Variants in PRSS58 observed in about 807,000 individuals in gnomAD.
PRSS58 encodes protease, serine 58.
PRSS58 carries 31 observed loss-of-function variants against 25.0 expected under a neutral mutation model. The observed-to-expected ratio is 1.24, with a 90% CI of 0.93 to 1.67. The LOEUF (loss-of-function observed/expected upper bound fraction) is 1.67, where lower values mean the gene tolerates loss of function less well. PRSS58 is among the 40% of genes most tolerant of loss of function. The pLI is 0.00. For missense variants in PRSS58, 324 were observed against 287.9 expected, an observed-to-expected ratio of 1.13 and a Z score of -0.91; for synonymous variants, 119 against 106.1, an observed-to-expected ratio of 1.12 and a Z score of -0.75.
At chr7:142,256,938 A>T (rs1798565944) in intron 2 of PRSS58, among the ~76,000 whole-genome samples, 2 of 152,146 alleles carry the variant, frequency 1.3e-5, no homozygotes, top group Admixed American at 1.3e-4. Context: ...ATGGCTGCTG[A>T]CCCAGAGTGA....
In PRSS58 at chr7:142,256,458, G is replaced by C. The variant is rs149422922; in HGVS notation, c.41-785C>G. ...GTTGGGGGAGAAGGAGGGGTTTCAG[G>C]CAGTATTTGTTTGTTGTTTGTTTGA... On this transcript the variant is annotated intron_variant, in intron 2 of 5. Transcript: ENST00000547058. Among the ~76,000 whole-genome samples the C allele has an allele frequency of 3.9e-5, 6 of 151,940 alleles. 1 individual carries two copies. The highest frequency in any genetic ancestry group is 3.3e-4 in the Admixed American group (5 of 15,232).
In PRSS58 at chr7:142,255,686, G is replaced by A. The variant is rs1239425287; in HGVS notation, c.41-13C>T. On this transcript the variant is annotated splice_polypyrimidine_tract_variant and intron_variant, in intron 2 of 5. Coordinates refer to ENST00000547058, the MANE Select transcript of PRSS58 (RefSeq NM_001001317.5). ...AAGGCCAAAGCAACTGGAAAGAGAA[G>A]CATAGACAAGAAATTCCAAGATTTC... is the stretch of plus-strand genomic sequence containing the variant. 4 of 1,577,300 alleles carry A rather than the reference G, an allele frequency of 2.5e-6. No individual in the cohort carries two copies. Among genetic ancestry groups the A allele is most frequent in the Non-Finnish European group, 3.4e-6 (4 of 1,160,712 alleles).
Position 142,252,380 on chromosome 7 carries a change from A to C in PRSS58, c.577-10T>G. On this transcript the variant is annotated splice_polypyrimidine_tract_variant and intron_variant, in intron 5 of 5. Coordinates refer to ENST00000547058, the MANE Select transcript of PRSS58 (RefSeq NM_001001317.5). ...GGGCAGCAGAAACTTCCTGCCAGGA[A>C]AACAATAATAACAACAACAAAAAAG... The C allele has an allele frequency of 6.2e-7, 1 of 1,611,924 alleles. No individual in the cohort carries two copies. Among genetic ancestry groups the C allele is most frequent in the Non-Finnish European group, 8.5e-7 (1 of 1,179,380 alleles).
At position 142,255,656 on chromosome 7, in the gene PRSS58, G is replaced by A; in HGVS notation, c.58C>T (p.Pro20Ser). The change falls in exon 3 of 6, where the codon CCA becomes TCA. Residue 20 changes from proline (P) to serine (S), a missense_variant. Pro to Ser is a moderately conservative substitution (Grantham distance 74). Coordinates refer to ENST00000547058, the MANE Select transcript of PRSS58 (RefSeq NM_001001317.5). Reference sequence around the variant, plus strand: ...GGAGTGGAGCTGACTGTGTAATCTGGATTAAAGGCCAAAGCAACTGGAAAG... The same window carrying A: ...GGAGTGGAGCTGACTGTGTAATCTGAATTAAAGGCCAAAGCAACTGGAAAG... ...LNLTVALAFN[P>S]DYTVSSTPPY... The A allele has an allele frequency of 1.2e-6, 2 of 1,610,398 alleles. No individual in the cohort carries two copies. Among genetic ancestry groups the A allele is most frequent in the Non-Finnish European group, 1.7e-6 (2 of 1,178,042 alleles).
chr7:142,253,499 T>C lies in PRSS58; in HGVS notation c.437-888A>G, dbSNP rs181314967. Among the ~76,000 whole-genome samples, 365 of 152,300 alleles carry C rather than the reference T, an allele frequency of 2.4e-3. 2 individuals are homozygous for C. Among genetic ancestry groups the C allele is most frequent in the African/African-American group, 8.4e-3 (350 of 41,578 alleles). On this transcript the variant is annotated intron_variant, in intron 4 of 5. Transcript: ENST00000547058. ...AAAATTTGTCCAATCTGAAACAAAA[T>C]GAGAAAAACAACAAAGTAGTATGAA...
chr7:142,254,194 T>C (rs1438641258), intron 4 of PRSS58, among the ~76,000 whole-genome samples: 1 of 152,206 alleles, frequency 6.6e-6, no homozygotes, highest in African/African-American at 2.4e-5. Context: ...CAAGGGATTA[T>C]ATATCATTGT....
intron 4 of PRSS58, among the ~76,000 whole-genome samples, chr7:142,253,201 T>C (rs1798498410): frequency 6.6e-6 from 1 of 152,174 alleles, no homozygotes; most frequent in Non-Finnish European, 1.5e-5. Flanking sequence ...CAAAAACTTT[T>C]CTGGAAATTT....
intron 2 of PRSS58, among the ~76,000 whole-genome samples, chr7:142,257,120 T>C (rs1399883906): frequency 6.6e-6 from 1 of 152,130 alleles, no homozygotes; most frequent in African/African-American, 2.4e-5. Flanking sequence ...AGTATAGAGG[T>C]AGAGGGGTCT....
chr7:142,255,258 T>A lies in PRSS58; in HGVS notation c.233A>T (p.His78Leu), dbSNP rs550570270. 6 of 1,613,560 alleles carry A rather than the reference T, an allele frequency of 3.7e-6. No individual in the cohort carries two copies. In the South Asian group the frequency reaches 6.6e-5, roughly 18 times the overall value. Residue 78 changes from histidine (H) to leucine (L), a missense_variant, in exon 4 of 6, where the codon CAT (histidine) becomes CTT (leucine). Coordinates refer to ENST00000547058, the MANE Select transcript of PRSS58 (RefSeq NM_001001317.5). ...CTTCTCATAGCCAATCACTTGCAGA[T>A]GCTTTTCATTAGAGTCTGCTGGGAT... ...VTIPADSNEK[H>L]LQVIGYEKMI...
At chr7:142,252,392 C>T (rs751330531) in intron 5 of PRSS58, 22 bp from the exon 6 acceptor site, 3 of 1,609,686 alleles carry the variant, frequency 1.9e-6, no homozygotes, top group Admixed American at 1.7e-5. Context: ...ACAATAATAA[C>T]AACAACAAAA....
Position 142,257,731 on chromosome 7 carries a change from G to T in PRSS58, c.-24C>A. 1.2e-6 allele frequency: 2 copies of T among 1,605,418 alleles called. No homozygotes were observed. The highest frequency in any genetic ancestry group is 1.7e-6 in the Non-Finnish European group (2 of 1,172,656). On this transcript the variant is annotated 5_prime_UTR_variant, in exon 2 of 6. Coordinates refer to ENST00000547058, the MANE Select transcript of PRSS58 (RefSeq NM_001001317.5). The stretch of plus-strand genomic sequence containing the variant: ...ATGATGATGTTGAAAGCCCAGTTTA[G>T]CTCCAGTCTCTGGAAAACTGGGAAG...
intron 2 of PRSS58, among the ~76,000 whole-genome samples, chr7:142,256,891 G>T (rs777924162): frequency 6.7e-6 from 1 of 149,876 alleles, no homozygotes; most frequent in Non-Finnish European, 1.5e-5. Context: ...GCTGCAGCAT[G>T]GGTCCTGAGG....
chr7:142,255,596 G>A lies in PRSS58; in HGVS notation c.118C>T (p.Pro40Ser). 1.9e-6 allele frequency: 3 copies of A among 1,614,034 alleles called. No homozygotes were observed. Among genetic ancestry groups the A allele is most frequent in the East Asian group, 2.2e-5 (1 of 44,876 alleles). ...GGGTGGATCAGGACTCCAGCGCAGG[G>A]CAAGTAGTCAGATTTCAAATAGACC... The part of the protein sequence containing the change: ...YLVYLKSDYL[P>S]CAGVLIHPLW... Residue 40 changes from proline to serine, a missense_variant, in exon 3 of 6, where the codon CCC becomes TCC. Coordinates refer to ENST00000547058, the MANE Select transcript of PRSS58 (RefSeq NM_001001317.5).
In PRSS58 at chr7:142,255,501, A is replaced by G. The variant is rs775632014; in HGVS notation, c.179+34T>C. On this transcript the variant is annotated intron_variant, in intron 3 of 5. Transcript: ENST00000547058. ...AGTCTGTGCCCAACCTGAGAACCCA[A>G]AGAATGGAGTGCCTTTGAAGGCTTA... 10 of 1,613,596 alleles carry G rather than the reference A, an allele frequency of 6.2e-6. No individual in the cohort carries two copies. The South Asian group carries it at 1.1e-4, about 18-fold the overall frequency.
chr7:142,255,352 T>C, intron 3 of PRSS58, 41 bp from the exon 4 acceptor site: 1 of 1,600,992 alleles, frequency 6.2e-7, no homozygotes, highest in Non-Finnish European at 8.5e-7. Context: ...TTAACAGAGA[T>C]GGCTTCTCCA....
intron 4 of PRSS58, among the ~76,000 whole-genome samples, chr7:142,254,025 G>A (rs7789823): frequency 0.21 from 32,425 of 151,994 alleles, 4,486 homozygotes; most frequent in East Asian, 0.51. Flanking sequence ...ACATCTGCCT[G>A]TTGGTTTCTA....
chr7:142,253,112 C>T (rs956106922), intron 4 of PRSS58, among the ~76,000 whole-genome samples: 2 of 152,100 alleles, frequency 1.3e-5, no homozygotes, highest in African/African-American at 2.4e-5. Flanking sequence ...ACTCAAGAAG[C>T]GGAGGTTGCT....
intron 2 of PRSS58, 84 bp from the exon 3 acceptor site, chr7:142,255,757 C>A (rs1284405727): frequency 1.6e-6 from 2 of 1,251,454 alleles, no homozygotes; most frequent in Non-Finnish European, 2.2e-6. Flanking sequence ...TAATAGGCTC[C>A]AAGTTCCCCT....
In PRSS58 at chr7:142,252,272, G is replaced by A; in HGVS notation, c.675C>T (p.Ala225=). Residue 225 remains alanine (A), a synonymous_variant, in exon 6 of 6, where the codon GCC becomes GCT. Transcript: ENST00000547058. The part of the protein sequence containing the change: ...CVLRADVGIY[A]KIFYYIPWIE... ...TCCAGGGTATATAGTAAAAAATTTT[G>A]GCATAGATGCCAACATCAGCTCTCA... The A allele has an allele frequency of 1.2e-6, 2 of 1,613,974 alleles. No homozygotes were observed. Among genetic ancestry groups the A allele is most frequent in the South Asian group, 2.2e-5 (2 of 91,050 alleles).
Sources: allele counts gnomAD v4.1 joint callset (sites outside exome capture counted in the v4.1 genomes callset), GRCh38; gene constraint gnomAD v4.1.1; transcripts MANE v1.5; gene names NCBI Gene and HGNC (gene_info 2026-07-23, HGNC 2026-07-21).